The following SH3TC1 variants were observed in gnomAD, a reference collection of about 807,000 sequenced individuals.
The protein encoded by SH3TC1 is SH3 domain and tetratricopeptide repeats 1, also known as SH3 domain and tetratricopeptide repeat-containing protein 1.
A neutral mutation model predicts 117.3 loss-of-function variants in SH3TC1; 135 were observed. The observed-to-expected ratio is 1.15, with a 90% CI of 1.00 to 1.33. The LOEUF (loss-of-function observed/expected upper bound fraction) is 1.33. Ranked by LOEUF, SH3TC1 falls within the 40% of genes most tolerant of loss-of-function variation. SH3TC1 has a pLI of 0.00. For synonymous variants in SH3TC1, 898 were observed against 816.9 expected (o/e 1.10, Z -1.69); for missense variants, 2,092 against 1,794.3 (o/e 1.17, Z -3.00).
Position 8,219,540 on chromosome 4 carries a change from T to A in SH3TC1, c.1112+10T>A, listed in dbSNP as rs371954120. On this transcript the variant is annotated intron_variant, in intron 9 of 17. Coordinates refer to ENST00000245105, the MANE Select transcript of SH3TC1 (RefSeq NM_018986.5). ...AGGGCCCCGTGTCCGAGTGAGTGGC[T>A]GGAGCCCCGCCCCTTTCCTGAACCC... 2 of 1,527,650 alleles carry A rather than the reference T, an allele frequency of 1.3e-6. No homozygotes were observed. The highest frequency in any genetic ancestry group is 1.4e-5 in the African/African-American group (1 of 72,780). 94.6% of individuals were successfully genotyped at this position (1,527,650 alleles called of 1,614,324 possible).
chr4:8,236,442 G>GCCCCTGCC lies in SH3TC1; in HGVS notation c.3556+16_3556+23dup. On this transcript the variant is annotated intron_variant, in intron 16 of 17. Transcript: ENST00000245105. The stretch of plus-strand genomic sequence containing the variant: ...GCATCACCCTGGGTAAGCCCCCTGA[G>GCCCCTGCC]CCCCTGCCCTGCCAGGACCCACACT... The GCCCCTGCC allele has an allele frequency of 7.0e-7, 1 of 1,431,066 alleles. No individual in the cohort carries two copies. The highest frequency in any genetic ancestry group is 9.2e-7 in the Non-Finnish European group (1 of 1,084,122). 88.6% of individuals were successfully genotyped at this position (1,431,066 alleles called of 1,614,324 possible).
rs552981639 is a variant in SH3TC1 at position 8,232,080 on chromosome 4, A to G, written c.3055A>G (p.Lys1019Glu). ...YHELQLSLAC[K>E]VADKVLEGQL... ...TGAGCTCCAGCTCTCCCTGGCCTGC[A>G]AGGTGGCCGACAAGGTGCTGGAGGG... Residue 1019 changes from lysine (K) to glutamate (E), a missense_variant, in exon 13 of 18, where the codon AAG becomes GAG. Coordinates refer to ENST00000245105, the MANE Select transcript of SH3TC1 (RefSeq NM_018986.5). 288 of 1,613,262 alleles carry G rather than the reference A, an allele frequency of 1.8e-4. 2 individuals are homozygous for G. The South Asian group carries it at 3.0e-3, about 17-fold the overall frequency.
intron 17 of SH3TC1, among the ~76,000 whole-genome samples, chr4:8,239,404 G>A (rs1305377549): frequency 7.2e-6 from 1 of 139,628 alleles, no homozygotes; most frequent in Non-Finnish European, 1.5e-5. Flanking sequence ...GTACACACAG[G>A]CACATGCACA....
chr4:8,205,576 C>T lies in SH3TC1; in HGVS notation c.172+210C>T. The stretch of plus-strand genomic sequence containing the variant: ...GCTGAGTCACTTGAGAGGCCAGGGC[C>T]CAGCTCGTGTTTTTCCAGGGACGCG... On this transcript the variant is annotated intron_variant, in intron 2 of 17. Coordinates refer to ENST00000245105, the MANE Select transcript of SH3TC1 (RefSeq NM_018986.5). This position sits in a 1 kb window ranked among gnomAD's most constrained non-coding sequence, Gnocchi z 5.4. 1.2e-6 allele frequency: 1 copy of T among 808,398 alleles called. No homozygotes were observed. Among genetic ancestry groups the T allele is most frequent in the Non-Finnish European group, 2.2e-6 (1 of 457,230 alleles). The allele number at this position is 808,398 out of a possible 1,614,324, so 50.1% of individuals were successfully genotyped here.
Position 8,210,746 on chromosome 4 carries a change from GAAAAAAAAAAAAA to G in SH3TC1, c.247+940_247+952del, listed in dbSNP as rs56288444. On this transcript the variant is annotated intron_variant, in intron 3 of 17. Transcript: ENST00000245105. The surrounding 1 kb of genome is among the most constrained non-coding windows in gnomAD (Gnocchi z 4.1). ...TTGCACTCCAGCCTGGGCAACTTCTGAAAAAAAAAAAAAAAAAAAAAAAAAAAAGGCCGTCACA... is the reference window on the plus strand; with the variant it reads ...TTGCACTCCAGCCTGGGCAACTTCTGAAAAAAAAAAAAAAAGGCCGTCACA... 1.5e-4 allele frequency among the ~76,000 whole-genome samples: 6 copies of G among 39,796 alleles called. 1 individual carries two copies. Among genetic ancestry groups the G allele is most frequent in the African/African-American group, 3.9e-4 (4 of 10,206 alleles). The allele number at this position is 39,796 out of a possible 152,430, so 26.1% of individuals were successfully genotyped here.
chr4:8,206,855 G>GT lies in SH3TC1; in HGVS notation c.172+1490dup, dbSNP rs1300328709. On this transcript the variant is annotated intron_variant, in intron 2 of 17. Transcript: ENST00000245105. The surrounding 1 kb of genome is among the most constrained non-coding windows in gnomAD (Gnocchi z 5.5). ...CTCGTGTGTGTGTGTGTGTGTGTGT[G>GT]TGTGTGTGTGTGTGATTTTCTTCTG... Among the ~76,000 whole-genome samples the GT allele has an allele frequency of 6.6e-6, 1 of 152,032 alleles. No individual in the cohort carries two copies. The highest frequency in any genetic ancestry group is 2.4e-5 in the African/African-American group (1 of 41,378).
At position 8,228,182 on chromosome 4, in the gene SH3TC1, G is replaced by A. The variant is rs1318471940; in HGVS notation, c.2488G>A (p.Ala830Thr). 6.2e-7 allele frequency: 1 copy of A among 1,610,736 alleles called. No homozygotes were observed. The highest frequency in any genetic ancestry group is 2.2e-5 in the East Asian group (1 of 44,816). The change falls in exon 12 of 18, where the codon GCC becomes ACC. Residue 830 changes from alanine to threonine, a missense_variant. Physicochemically the swap from Ala to Thr is moderately conservative, Grantham distance 58. Coordinates refer to ENST00000245105, the MANE Select transcript of SH3TC1 (RefSeq NM_018986.5). ...CCGTGCCATCGTGGACCACCTGGTG[G>A]CCCTGGCCTGGCTGCACGTGCTTCA... ...GVRAIVDHLV[A>T]LAWLHVLHGQ...
intron 4 of SH3TC1, among the ~76,000 whole-genome samples, chr4:8,213,555 C>T (rs530051412): frequency 1.2e-4 from 19 of 152,184 alleles, no homozygotes; most frequent in Middle Eastern, 3.4e-3. Context: ...ATGCTGGCTC[C>T]GGGTTTGAAT....
In SH3TC1 at chr4:8,218,364, G is replaced by A. The variant is rs200478204; in HGVS notation, c.916+17G>A. On this transcript the variant is annotated intron_variant, in intron 8 of 17. Coordinates refer to ENST00000245105, the MANE Select transcript of SH3TC1 (RefSeq NM_018986.5). ...CGCTGATGGGTAAGTGTTTCCATGG[G>A]CCTCTCTTTTTTGGGGAAATGTGTG... is the stretch of plus-strand genomic sequence containing the variant. 2 of 1,595,442 alleles carry A rather than the reference G, an allele frequency of 1.3e-6. No homozygotes were observed. Among genetic ancestry groups the A allele is most frequent in the African/African-American group, 2.7e-5 (2 of 74,510 alleles).
At chr4:8,195,100 C>T (rs1243230592), upstream of SH3TC1, among the ~76,000 whole-genome samples, 2 of 152,202 alleles carry the variant, frequency 1.3e-5, no homozygotes, top group Non-Finnish European at 2.9e-5. Context: ...AGGAGATACT[C>T]ACCAGCAGGC....
Position 8,231,962 on chromosome 4 carries a change from T to C in SH3TC1, c.2951-14T>C, listed in dbSNP as rs1721261032. The C allele has an allele frequency of 1.9e-6, 3 of 1,609,230 alleles. No homozygotes were observed. In the East Asian group the frequency reaches 6.7e-5, roughly 36 times the overall value. On this transcript the variant is annotated splice_polypyrimidine_tract_variant and intron_variant, in intron 12 of 17. Coordinates refer to ENST00000245105, the MANE Select transcript of SH3TC1 (RefSeq NM_018986.5). ...GCTGGGAGGCTGACGTCTTCCTTTTTGTCTTCTGCCCAGGCCAGCTGCGGG... is the reference window on the plus strand; with the variant it reads ...GCTGGGAGGCTGACGTCTTCCTTTTCGTCTTCTGCCCAGGCCAGCTGCGGG...
Position 8,209,848 on chromosome 4 carries a change from G to A in SH3TC1, c.247+26G>A, listed in dbSNP as rs1457302748. 1.2e-6 allele frequency: 2 copies of A among 1,607,984 alleles called. No individual in the cohort carries two copies. Among genetic ancestry groups the A allele is most frequent in the Admixed American group, 1.7e-5 (1 of 59,536 alleles). ...GTAAACATCCTGGGCCCTACACAGG[G>A]CTTCAGGTTCAAATCCGGGCTGTGC... On this transcript the variant is annotated intron_variant, in intron 3 of 17. Coordinates refer to ENST00000245105, the MANE Select transcript of SH3TC1 (RefSeq NM_018986.5). The surrounding 1 kb of genome is among the most constrained non-coding windows in gnomAD (Gnocchi z 5.9).
chr4:8,222,338 G>A (rs925947654), intron 9 of SH3TC1, among the ~76,000 whole-genome samples: 57 of 144,474 alleles, frequency 3.9e-4, no homozygotes, highest in African/African-American at 1.3e-3. Context: ...GCCAGACAAG[G>A]CACCCCTTGA....
Position 8,205,762 on chromosome 4 carries a change from G to T in SH3TC1, c.172+396G>T. Reference sequence around the variant, plus strand: ...CAGGAGGCACCCAAGGTGCAGAGAGGGAAGGGCCGGGCCAGGCCACCCTGT... The same window carrying T: ...CAGGAGGCACCCAAGGTGCAGAGAGTGAAGGGCCGGGCCAGGCCACCCTGT... On this transcript the variant is annotated intron_variant, in intron 2 of 17. Transcript: ENST00000245105. This position sits in a 1 kb window ranked among gnomAD's most constrained non-coding sequence, Gnocchi z 5.4. 1.5e-6 allele frequency: 1 copy of T among 662,344 alleles called. No individual in the cohort carries two copies. The highest frequency in any genetic ancestry group is 2.7e-5 in the East Asian group (1 of 36,596). The allele number at this position is 662,344 out of a possible 1,614,324, so 41.0% of individuals were successfully genotyped here.
At chr4:8,208,852 G>A (rs1306941480) in intron 2 of SH3TC1, among the ~76,000 whole-genome samples, 1 of 152,244 alleles carries the variant, frequency 6.6e-6, no homozygotes, top group African/African-American at 2.4e-5. Context: ...GGCGCCCAGG[G>A]CTCTGAGTGA....
At chr4:8,214,665 T>C (rs557761589) in intron 5 of SH3TC1, 85 bp downstream of exon 5, 1 of 976,426 alleles carries the variant, frequency 1.0e-6, no homozygotes, top group South Asian at 1.4e-5. Context: ...GATTACAAAC[T>C]GGTGCTTTGT....
At chr4:8,223,248 G>A (rs1006512493) in intron 10 of SH3TC1, among the ~76,000 whole-genome samples, 4 of 152,268 alleles carry the variant, frequency 2.6e-5, no homozygotes, top group South Asian at 2.1e-4. Flanking sequence ...TGCCTGAGAC[G>A]CTGGGCGAGG....
chr4:8,223,340 C>T (rs772098663), intron 10 of SH3TC1, among the ~76,000 whole-genome samples: 2 of 152,246 alleles, frequency 1.3e-5, no homozygotes, highest in African/African-American at 2.4e-5. Context: ...TGCACTTTGC[C>T]TGGGTGAGAG....
At chr4:8,198,840 T>G (rs181403577), upstream of SH3TC1, among the ~76,000 whole-genome samples, 828 of 152,368 alleles carry the variant, frequency 5.4e-3, 21 homozygotes, top group Admixed American at 0.05. Flanking sequence ...TGTCCATGTG[T>G]GCACACACTT....
Sources: allele counts gnomAD v4.1 joint callset (sites outside exome capture counted in the v4.1 genomes callset), GRCh38; gene constraint gnomAD v4.1.1; non-coding constraint Gnocchi (gnomAD v3.1); transcripts MANE v1.5; gene names NCBI Gene and HGNC (gene_info 2026-07-23, HGNC 2026-07-21).